The following TRRAP variants were observed in gnomAD, a reference collection of about 807,000 sequenced individuals.
TRRAP encodes the protein transformation/transcription domain associated protein, also known as transformation/transcription domain-associated protein.
In TRRAP, 41 loss-of-function variants were observed where a neutral mutation model predicts 438.8. The observed-to-expected ratio is 0.09, with a 90% CI of 0.07 to 0.12. TRRAP has a LOEUF of 0.12. TRRAP is among the 10% of genes least tolerant of loss of function. The pLI, the probability that TRRAP is intolerant of heterozygous loss-of-function variation, is 1.00. For synonymous variants in TRRAP, 1,994 were observed against 1,962.9 expected (o/e 1.02, Z -0.42); for missense variants, 3,122 against 5,055.1 (o/e 0.62, Z 11.60).
chr7:98,906,873 G>A lies in TRRAP; in HGVS notation c.1115+618G>A, dbSNP rs1796789352. On this transcript the variant is annotated intron_variant, in intron 13 of 72. Transcript: ENST00000456197. ...TATTGTTTTTTGCTTTTTGTATAAT[G>A]CATCTTTTTTTGTTAAAAAGAAATT... Among the ~76,000 whole-genome samples, 3 of 152,072 alleles carry A rather than the reference G, an allele frequency of 2.0e-5. No individual in the cohort carries two copies. In the South Asian group the frequency reaches 6.2e-4, roughly 31 times the overall value.
At position 99,005,032 on chromosome 7, in the gene TRRAP, C is replaced by T. The variant is rs1262479176; in HGVS notation, c.10536-99C>T. The stretch of plus-strand genomic sequence containing the variant: ...TAAACGACCGCTGGCCTACACAGTC[C>T]GTTTTCCCGTGACAGTTCGGACATT... On this transcript the variant is annotated intron_variant, in intron 68 of 72. Transcript: ENST00000456197. The surrounding 1 kb of genome is among the most constrained non-coding windows in gnomAD (Gnocchi z 5.1). The T allele has an allele frequency of 1.4e-5, 17 of 1,234,604 alleles. No individual in the cohort carries two copies. Among genetic ancestry groups the T allele is most frequent in the South Asian group, 1.0e-4 (8 of 78,482 alleles). The allele number at this position is 1,234,604 out of a possible 1,614,324, so 76.5% of individuals were successfully genotyped here.
At chr7:98,926,293 C>G (rs1790044732) in intron 22 of TRRAP, among the ~76,000 whole-genome samples, 2 of 151,752 alleles carry the variant, frequency 1.3e-5, no homozygotes, top group African/African-American at 4.8e-5. Flanking sequence ...TTGAGTGAAT[C>G]CAAAGCAGGA....
intron 47 of TRRAP, among the ~76,000 whole-genome samples, chr7:98,962,635 C>G (rs1791962929): frequency 6.6e-6 from 1 of 152,260 alleles, no homozygotes; most frequent in Non-Finnish European, 1.5e-5. Flanking sequence ...TCTGTGCTCC[C>G]TCCTCAGCTT....
chr7:98,954,526 C>T (rs1357839296), intron 40 of TRRAP, among the ~76,000 whole-genome samples: 1 of 152,180 alleles, frequency 6.6e-6, no homozygotes, highest in East Asian at 1.9e-4. Flanking sequence ...CCCTGCCCTC[C>T]CCCAGTTGTC....
At chr7:98,895,487 A>C (rs1035968101) in intron 6 of TRRAP, among the ~76,000 whole-genome samples, 3 of 152,162 alleles carry the variant, frequency 2.0e-5, no homozygotes, top group Non-Finnish European at 4.4e-5. Context: ...GGCATTGTGT[A>C]TTACTATTTT....
chr7:98,923,533 T>C (rs948847639), intron 21 of TRRAP, among the ~76,000 whole-genome samples: 1 of 152,270 alleles, frequency 6.6e-6, no homozygotes, highest in South Asian at 2.1e-4. Flanking sequence ...AGTCCTTGAT[T>C]CTTTTTGGCA....
At chr7:98,889,292 C>A (rs948967163) in intron 3 of TRRAP, among the ~76,000 whole-genome samples, 1 of 152,094 alleles carries the variant, frequency 6.6e-6, no homozygotes, top group Non-Finnish European at 1.5e-5. Context: ...AGGTACACAG[C>A]ACAGTATTTG....
At chr7:99,001,005 A>G (rs1003428832) in intron 67 of TRRAP, among the ~76,000 whole-genome samples, 3 of 152,246 alleles carry the variant, frequency 2.0e-5, no homozygotes, top group Non-Finnish European at 4.4e-5. Context: ...AGTGGTTCAC[A>G]TGTGTGGTAT....
At chr7:98,965,525 C>T (rs1028242264) in intron 48 of TRRAP, among the ~76,000 whole-genome samples, 171 bp from the exon 49 acceptor site, 3 of 152,152 alleles carry the variant, frequency 2.0e-5, no homozygotes, top group African/African-American at 7.2e-5. Flanking sequence ...GCTACATTTC[C>T]AAGATGCACG....
At chr7:98,955,410 G>A in intron 41 of TRRAP, 106 bp downstream of exon 41, 2 of 1,195,114 alleles carry the variant, frequency 1.7e-6, no homozygotes, top group South Asian at 3.1e-5. Context: ...TCATCTTTTA[G>A]TAAGGCTACT....
At chr7:98,935,939 T>C (rs1207505287) in intron 28 of TRRAP, among the ~76,000 whole-genome samples, 1 of 152,240 alleles carries the variant, frequency 6.6e-6, no homozygotes, top group African/African-American at 2.4e-5. Context: ...CGTTCTGGTT[T>C]AAAAGGATTG....
chr7:99,009,227 AC>A (rs1473762210), intron 70 of TRRAP, among the ~76,000 whole-genome samples: 1 of 151,926 alleles, frequency 6.6e-6, no homozygotes, highest in African/African-American at 2.4e-5. Context: ...TGTGTGGGGC[AC>A]CCAGGGGCAG....
chr7:99,009,199 G>A (rs1407336032), intron 70 of TRRAP, among the ~76,000 whole-genome samples: 3 of 152,104 alleles, frequency 2.0e-5, no homozygotes, highest in African/African-American at 7.2e-5. Flanking sequence ...GCTTTAGGTG[G>A]GGAGATTTTT....
At chr7:98,887,440 C>A (rs1795762803) in intron 3 of TRRAP, among the ~76,000 whole-genome samples, 1 of 152,074 alleles carries the variant, frequency 6.6e-6, no homozygotes, top group South Asian at 2.1e-4. Context: ...AGTTCTTCTG[C>A]CCCACAAATG....
chr7:98,951,127 C>A, intron 39 of TRRAP, 123 bp downstream of exon 39: 3 of 1,164,092 alleles, frequency 2.6e-6, no homozygotes, highest in Non-Finnish European at 3.4e-6. Context: ...TTTGTTCCGC[C>A]AACACGTTTA....
chr7:98,989,068 T>C, intron 63 of TRRAP, 102 bp downstream of exon 63: 1 of 1,185,528 alleles, frequency 8.4e-7, no homozygotes, highest in Non-Finnish European at 1.2e-6. Context: ...GTGTGAGGCA[T>C]GATTTCATGC....
rs1036337518 is a variant in TRRAP, at chr7:98,965,895, G to A, written c.7176G>A (p.Gln2392=). The change falls in exon 49 of 73, where the codon CAG becomes CAA. Residue 2392 remains glutamine, a splice_region_variant and synonymous_variant. Coordinates refer to ENST00000456197, the MANE Select transcript of TRRAP (RefSeq NM_001375524.1). ...ATAACTCCCCAATGGCAGCCAATCA[G>A]GTGAGCTGGGACGGTGTGCCATGTG... is the stretch of plus-strand genomic sequence containing the variant. ...VKNNSPMAAN[Q]TPTLREKSIL... 1 of 1,614,014 alleles carries A rather than the reference G, an allele frequency of 6.2e-7. No individual in the cohort carries two copies.
intron 40 of TRRAP, among the ~76,000 whole-genome samples, chr7:98,953,905 A>C (rs1554418895): frequency 6.6e-6 from 1 of 151,850 alleles, no homozygotes; most frequent in South Asian, 2.1e-4. Flanking sequence ...CCCCATTCCC[A>C]CTCTGCTCTC....
In TRRAP at chr7:98,948,588, C is replaced by A; in HGVS notation, c.4691C>A (p.Pro1564His). ...CAGGCGGGGAGTCCATTCCGAGAGC[C>A]CCTGATCAAGTTCCTGACTCGACAT... Reference protein sequence around the residue: ...LIEAGSPFREPLIKFLTRHPS... With the variant: ...LIEAGSPFREHLIKFLTRHPS... The change falls in exon 35 of 73, where the codon CCC becomes CAC. Residue 1564 changes from proline to histidine, a missense_variant. Physicochemically the swap from Pro to His is moderately conservative, Grantham distance 77. Transcript: ENST00000456197. This position sits in a 1 kb window ranked among gnomAD's most constrained non-coding sequence, Gnocchi z 4.9. 1 of 1,614,142 alleles carries A rather than the reference C, an allele frequency of 6.2e-7. No homozygotes were observed. The highest frequency in any genetic ancestry group is 1.3e-5 in the African/African-American group (1 of 75,024).
Sources: allele counts gnomAD v4.1 joint callset (sites outside exome capture counted in the v4.1 genomes callset), GRCh38; gene constraint gnomAD v4.1.1; non-coding constraint Gnocchi (gnomAD v3.1); transcripts MANE v1.5; gene names NCBI Gene and HGNC (gene_info 2026-07-23, HGNC 2026-07-21).